The following ITCH variants were observed in gnomAD, a reference collection of about 807,000 sequenced individuals.
ITCH encodes the protein E3 ubiquitin-protein ligase Itchy homolog.
In ITCH, 28 loss-of-function variants were observed where a neutral mutation model predicts 126.8. That is an observed-to-expected ratio of 0.22 (90% confidence interval 0.16 to 0.30). The LOEUF is 0.30. Among genes scored for constraint, ITCH ranks in the 10% least tolerant of loss-of-function variants. ITCH has a pLI of 1.00. For synonymous variants in ITCH, 342 were observed against 340.0 expected (o/e 1.01, Z -0.06); for missense variants, 631 against 1,032.4 (o/e 0.61, Z 5.33).
chr20:34,474,336 G>T (rs1043694378), intron 16 of ITCH, among the ~76,000 whole-genome samples: 20 of 152,292 alleles, frequency 1.3e-4, no homozygotes, highest in Middle Eastern at 3.4e-3. Context: ...GTGTCCCTGG[G>T]TACTTGAGAT....
At chr20:34,384,288 T>TTC (rs1471656422) in intron 2 of ITCH, 1 of 149,070 alleles carries the variant, frequency 6.7e-6, no homozygotes, top group African/African-American at 2.5e-5. Flanking sequence ...TCTTTTTTTT[T>TTC]TTTTTTTTTT....
chr20:34,381,718 G>A (rs575697701), intron 2 of ITCH, among the ~76,000 whole-genome samples: 1 of 151,826 alleles, frequency 6.6e-6, no homozygotes, highest in Admixed American at 6.6e-5. Context: ...GAGCGACCGC[G>A]CCTGGCGTGT....
At chr20:34,384,941 C>T (rs1476955885) in intron 2 of ITCH, among the ~76,000 whole-genome samples, 2 of 151,942 alleles carry the variant, frequency 1.3e-5, no homozygotes, top group African/African-American at 4.8e-5. Flanking sequence ...GGATTACAGG[C>T]GTGAGCCACC....
At chr20:34,420,471 CCATT>C (rs1395140897) in intron 6 of ITCH, among the ~76,000 whole-genome samples, 1 of 152,156 alleles carries the variant, frequency 6.6e-6, no homozygotes, top group Non-Finnish European at 1.5e-5. Context: ...ATTTGTTTAT[CCATT>C]CATTCATTGA....
At chr20:34,415,834 TTAA>T (rs1436897473) in intron 6 of ITCH, among the ~76,000 whole-genome samples, 1 of 152,102 alleles carries the variant, frequency 6.6e-6, no homozygotes, top group Non-Finnish European at 1.5e-5. Flanking sequence ...TGTAAAATAT[TTAA>T]TAATTGCTGG....
chr20:34,474,745 C>T (rs1433826575), intron 16 of ITCH, among the ~76,000 whole-genome samples: 1 of 151,524 alleles, frequency 6.6e-6, no homozygotes, highest in Non-Finnish European at 1.5e-5. Flanking sequence ...GGCGGCCGGG[C>T]AGAGGCACCC....
At chr20:34,457,523 A>G (rs1040693116) in intron 13 of ITCH, 49 bp downstream of exon 13, 9 of 1,225,264 alleles carry the variant, frequency 7.3e-6, no homozygotes, top group Non-Finnish European at 1.1e-5. Context: ...ATTATACCTT[A>G]TTTCTAACAA....
intron 23 of ITCH, among the ~76,000 whole-genome samples, chr20:34,496,396 T>G (rs1989884700): frequency 6.6e-6 from 1 of 152,222 alleles, no homozygotes; most frequent in Admixed American, 6.5e-5. Context: ...TTCTGCAGAT[T>G]GTCTCTACAC....
chr20:34,501,074 C>T (rs1032158134), intron 23 of ITCH, among the ~76,000 whole-genome samples: 5 of 152,142 alleles, frequency 3.3e-5, no homozygotes, highest in Admixed American at 2.0e-4. Context: ...CTCATTCTCT[C>T]CTGGTCTGTA....
intron 2 of ITCH, among the ~76,000 whole-genome samples, chr20:34,387,282 G>A (rs531900822): frequency 1.3e-5 from 2 of 149,660 alleles, no homozygotes; most frequent in South Asian, 4.2e-4. Context: ...CAGCCTGGGC[G>A]ACACAGTGAA....
intron 16 of ITCH, among the ~76,000 whole-genome samples, chr20:34,473,208 G>C (rs1987813051): frequency 6.6e-6 from 1 of 152,154 alleles, no homozygotes; most frequent in African/African-American, 2.4e-5. Context: ...AATTGCTCTG[G>C]GATAGTGTTT....
At chr20:34,411,120 T>G (rs1483111245) in intron 4 of ITCH, among the ~76,000 whole-genome samples, 2 of 152,160 alleles carry the variant, frequency 1.3e-5, no homozygotes, top group African/African-American at 2.4e-5. Flanking sequence ...AAGTTAAATT[T>G]ATTTGCCTTT....
intron 3 of ITCH, among the ~76,000 whole-genome samples, chr20:34,408,151 C>T (rs1978402514): frequency 6.6e-6 from 1 of 152,188 alleles, no homozygotes; most frequent in African/African-American, 2.4e-5. Flanking sequence ...CCATAGCTCA[C>T]TGAAGCCTTG....
intron 17 of ITCH, 112 bp from the exon 18 acceptor site, chr20:34,479,518 A>G: frequency 3.7e-6 from 3 of 818,870 alleles, no homozygotes; most frequent in Non-Finnish European, 4.0e-6. Flanking sequence ...ACATGAGATT[A>G]GAAAACTATC....
At chr20:34,435,099 A>G (rs889327997) in intron 7 of ITCH, among the ~76,000 whole-genome samples, 1 of 152,118 alleles carries the variant, frequency 6.6e-6, no homozygotes, top group Admixed American at 6.6e-5. Context: ...CTAGGTTGTC[A>G]AAGTCATCCG....
intron 3 of ITCH, among the ~76,000 whole-genome samples, chr20:34,398,602 TTGGTCAGGC>T (rs2038758780): frequency 6.6e-6 from 1 of 152,148 alleles, no homozygotes; most frequent in Non-Finnish European, 1.5e-5. Flanking sequence ...TTTCACCATG[TTGGTCAGGC>T]TGGTCTTGAA....
intron 7 of ITCH, among the ~76,000 whole-genome samples, chr20:34,429,030 CG>C (rs1432135047): frequency 6.6e-6 from 1 of 152,076 alleles, no homozygotes; most frequent in African/African-American, 2.4e-5. Flanking sequence ...CTCCACCTCC[CG>C]GATTCAAGTG....
chr20:34,463,612 T>G (rs940553584), intron 14 of ITCH, among the ~76,000 whole-genome samples: 1 of 152,164 alleles, frequency 6.6e-6, no homozygotes, highest in Non-Finnish European at 1.5e-5. Flanking sequence ...CTTCTGTTTT[T>G]TTTTTCTTCA....
intron 12 of ITCH, among the ~76,000 whole-genome samples, chr20:34,455,998 A>T (rs1288111610): frequency 2.6e-5 from 4 of 151,524 alleles, no homozygotes; most frequent in Non-Finnish European, 5.9e-5. Context: ...TATATTAAGG[A>T]ACGAGATATG....
Sources: allele counts gnomAD v4.1 joint callset (sites outside exome capture counted in the v4.1 genomes callset), GRCh38; gene constraint gnomAD v4.1.1; transcripts MANE v1.5; gene names NCBI Gene and HGNC (gene_info 2026-07-23, HGNC 2026-07-21).